The following PTPRT variants were observed in gnomAD, a reference collection of about 807,000 sequenced individuals.
PTPRT encodes the protein protein tyrosine phosphatase receptor type T.
A neutral mutation model predicts 176.8 loss-of-function variants in PTPRT; 56 were observed. That is an observed-to-expected ratio of 0.32 (90% CI 0.26 to 0.40). PTPRT has a LOEUF of 0.40. Among genes scored for constraint, PTPRT ranks in the 10% least tolerant of loss-of-function variants. The pLI is 1.00. For synonymous variants in PTPRT, 783 were observed against 739.0 expected (o/e 1.06, Z -0.96); for missense variants, 1,540 against 1,908.2 (o/e 0.81, Z 3.60).
At chr20:42,833,898 T>C (rs1031162310) in intron 2 of PTPRT, among the ~76,000 whole-genome samples, 1 of 152,138 alleles carries the variant, frequency 6.6e-6, no homozygotes, top group African/African-American at 2.4e-5. Flanking sequence ...TAAACCTAAA[T>C]GTAAAATATA....
intron 8 of PTPRT, among the ~76,000 whole-genome samples, chr20:42,456,697 C>T (rs191533331): frequency 7.5e-4 from 114 of 152,198 alleles, no homozygotes; most frequent in African/African-American, 2.7e-3. Context: ...ATTTTTTAAA[C>T]TATTTTTTTG....
At chr20:42,870,766 A>G (rs2078831556) in intron 2 of PTPRT, among the ~76,000 whole-genome samples, 1 of 152,186 alleles carries the variant, frequency 6.6e-6, no homozygotes, top group East Asian at 1.9e-4. Context: ...GGTTTTCCAT[A>G]TAGACTATAC....
intron 7 of PTPRT, among the ~76,000 whole-genome samples, chr20:42,644,844 A>G (rs1275344703): frequency 6.6e-6 from 1 of 152,164 alleles, no homozygotes; most frequent in Non-Finnish European, 1.5e-5. Flanking sequence ...ACTTATATTC[A>G]TATGTATTGC....
At chr20:42,948,247 C>A (rs1981012765) in intron 1 of PTPRT, among the ~76,000 whole-genome samples, 1 of 152,188 alleles carries the variant, frequency 6.6e-6, no homozygotes, top group Non-Finnish European at 1.5e-5. Context: ...AGCCTTTTCC[C>A]AGACTATCTC....
At chr20:42,408,965 C>T (rs923130240) in intron 9 of PTPRT, among the ~76,000 whole-genome samples, 1 of 152,184 alleles carries the variant, frequency 6.6e-6, no homozygotes, top group Non-Finnish European at 1.5e-5. Context: ...AGAACGCTAA[C>T]CCCACATGGG....
At chr20:42,177,746 G>A (rs543586826) in intron 16 of PTPRT, among the ~76,000 whole-genome samples, 12 of 152,200 alleles carry the variant, frequency 7.9e-5, no homozygotes, top group East Asian at 5.8e-4. Context: ...TTATGGGGGG[G>A]CAGGATAGCA....
intron 6 of PTPRT, among the ~76,000 whole-genome samples, chr20:42,722,870 T>C (rs1461702876): frequency 1.3e-5 from 2 of 152,182 alleles, no homozygotes; most frequent in Non-Finnish European, 2.9e-5. Context: ...GCTCATCGCA[T>C]ACCACATGTT....
chr20:43,051,527 C>A (rs1331340234), intron 1 of PTPRT, among the ~76,000 whole-genome samples: 1 of 148,934 alleles, frequency 6.7e-6, no homozygotes, highest in Non-Finnish European at 1.5e-5. Context: ...AACATTTGGC[C>A]AAATCATCTA....
chr20:42,220,534 C>T (rs1450629401), intron 15 of PTPRT, among the ~76,000 whole-genome samples: 1 of 150,326 alleles, frequency 6.7e-6, no homozygotes, highest in Non-Finnish European at 1.5e-5. Flanking sequence ...CATAGTGACA[C>T]CCTCTCTACA....
In PTPRT at chr20:42,960,688, A is replaced by G. The variant is rs911351018; in HGVS notation, c.89-74756T>C. Among the ~76,000 whole-genome samples the G allele has an allele frequency of 9.2e-5, 14 of 152,152 alleles. No homozygotes were observed. The South Asian group carries it at 2.9e-3, about 32-fold the overall frequency. On this transcript the variant is annotated intron_variant, in intron 1 of 30. Coordinates refer to ENST00000373187, the MANE Select transcript of PTPRT (RefSeq NM_007050.6). ...TAGGTACATGCACACAGGTACACAC[A>G]CATATACACACACAGCCCTTAAGCA...
the PTPRT span, among the ~76,000 whole-genome samples, chr20:42,039,224 C>T: frequency 1.3e-5 from 2 of 151,974 alleles, no homozygotes; most frequent in Non-Finnish European, 2.9e-5. Context: ...TTTTAATTGA[C>T]AAGTAAAAAT....
Position 42,118,485 on chromosome 20 carries a change from G to A in PTPRT, c.2900C>T (p.Thr967Ile). The A allele has an allele frequency of 6.2e-7, 1 of 1,611,796 alleles. No homozygotes were observed. ...GATCATTCTCCAAAAGTCCTTTACAGTCTCCTGCATCGGACCTGCCAACAG... is the reference window on the plus strand; with the variant it reads ...GATCATTCTCCAAAAGTCCTTTACAATCTCCTGCATCGGACCTGCCAACAG... ...YIATQGPMQETVKDFWRMIWQ... is the reference protein window; with the variant it reads ...YIATQGPMQEIVKDFWRMIWQ... The change falls in exon 21 of 31, where the codon ACT becomes ATT. Residue 967 changes from threonine (T) to isoleucine (I), a missense_variant. Thr to Ile is a moderately conservative substitution (Grantham distance 89). This residue lies in a region of PTPRT where 248 missense variants were observed against 356.7 expected (regional missense o/e 0.70). Transcript: ENST00000373187.
At chr20:42,033,821 T>A in the PTPRT span, among the ~76,000 whole-genome samples, 8 of 152,330 alleles carry the variant, frequency 5.3e-5, no homozygotes, top group African/African-American at 1.9e-4. Flanking sequence ...TATTGGTTAC[T>A]ATTTTTTGTG....
At chr20:42,793,360 G>A (rs1385733822) in intron 2 of PTPRT, among the ~76,000 whole-genome samples, 1 of 152,262 alleles carries the variant, frequency 6.6e-6, no homozygotes, top group East Asian at 1.9e-4. Context: ...CAAGCCTCCA[G>A]TGAATATCAT....
At chr20:42,865,169 G>C (rs886986412) in intron 2 of PTPRT, among the ~76,000 whole-genome samples, 1 of 152,272 alleles carries the variant, frequency 6.6e-6, no homozygotes, top group South Asian at 2.1e-4. Context: ...CTGCTTTATA[G>C]AACCTGTGTG....
Position 42,645,313 on chromosome 20 carries a change from A to G in PTPRT, c.1153+32553T>C, listed in dbSNP as rs143262365. Among the ~76,000 whole-genome samples, 3 of 152,312 alleles carry G rather than the reference A, an allele frequency of 2.0e-5. No individual in the cohort carries two copies. The East Asian group carries it at 5.8e-4, about 29-fold the overall frequency. ...GGAAGAGTTAGGAAGTTAACACTCC[A>G]TGAGCGACCCTCATCCAATGTCGGC... is the stretch of plus-strand genomic sequence containing the variant. On this transcript the variant is annotated intron_variant, in intron 7 of 30. Coordinates refer to ENST00000373187, the MANE Select transcript of PTPRT (RefSeq NM_007050.6).
chr20:42,466,772 C>A (rs1179918165), intron 8 of PTPRT, among the ~76,000 whole-genome samples: 1 of 152,096 alleles, frequency 6.6e-6, no homozygotes, highest in Non-Finnish European at 1.5e-5. Flanking sequence ...ACCGAGCACA[C>A]CTAAGATGTA....
intron 1 of PTPRT, among the ~76,000 whole-genome samples, chr20:43,159,017 G>A (rs943367372): frequency 1.3e-5 from 2 of 152,198 alleles, no homozygotes; most frequent in Admixed American, 6.5e-5. Context: ...GAGGATAAGG[G>A]AACAAATCAT....
intron 6 of PTPRT, among the ~76,000 whole-genome samples, chr20:42,720,916 A>G (rs1403538645): frequency 6.6e-6 from 1 of 152,210 alleles, no homozygotes; most frequent in Non-Finnish European, 1.5e-5. Context: ...CCTGGCATGC[A>G]GCCCTGTGCT....
Sources: gnomAD v4.1 joint callset for allele counts (sites outside exome capture counted in the v4.1 genomes callset) on GRCh38, gnomAD v4.1.1 for gene constraint, gnomAD v4.1.1 regional missense constraint, MANE v1.5 for transcripts, NCBI Gene and HGNC (gene_info 2026-07-23, HGNC 2026-07-21) for gene names.